The following AIM2 variants were observed in gnomAD, a reference collection of about 807,000 sequenced individuals.
AIM2 encodes absent in melanoma 2.
AIM2 carries 30 observed loss-of-function variants against 27.7 expected under a neutral mutation model. That is an observed-to-expected ratio of 1.08 (90% CI 0.81 to 1.47). AIM2 has a LOEUF of 1.47. Among genes scored for constraint, AIM2 ranks in the 40% most tolerant of loss-of-function variants. The pLI is 0.00. For missense variants in AIM2, 358 were observed against 411.3 expected (o/e 0.87, Z 1.12); for synonymous variants, 141 against 145.3 (o/e 0.97, Z 0.21).
intron 1 of AIM2, among the ~76,000 whole-genome samples, chr1:159,128,325 G>A (rs1301330436): frequency 2.6e-5 from 4 of 151,752 alleles, no homozygotes; most frequent in Non-Finnish European, 5.9e-5. Context: ...GCATGACTCT[G>A]GGGTTACACG....
At chr1:159,065,742 G>C (rs1246080133) in intron 4 of AIM2, among the ~76,000 whole-genome samples, 168 bp downstream of exon 4, 1 of 152,160 alleles carries the variant, frequency 6.6e-6, no homozygotes, top group Non-Finnish European at 1.5e-5. Context: ...CAATTTTTGA[G>C]TTTTTGTATG....
upstream of AIM2, among the ~76,000 whole-genome samples, chr1:159,142,751 C>G (rs540010947): frequency 6.6e-6 from 1 of 152,246 alleles, no homozygotes; most frequent in Non-Finnish European, 1.5e-5. Flanking sequence ...CCATAATCAC[C>G]GTTGTTTATA....
chr1:159,068,736 T>C (rs764973012), intron 2 of AIM2, 35 bp from the exon 3 acceptor site: 1 of 1,606,236 alleles, frequency 6.2e-7, no homozygotes, highest in Non-Finnish European at 8.5e-7. Flanking sequence ...CCAATAAGCA[T>C]ATAAACATAT....
At chr1:159,055,422 A>G in the AIM2 span, among the ~76,000 whole-genome samples, 1 of 152,216 alleles carries the variant, frequency 6.6e-6, no homozygotes, top group Non-Finnish European at 1.5e-5. Context: ...AGAGCAGTAG[A>G]TATCTTTTCA....
intron 1 of AIM2, among the ~76,000 whole-genome samples, chr1:159,106,092 G>A (rs971376867): frequency 6.6e-6 from 1 of 152,164 alleles, no homozygotes; most frequent in Non-Finnish European, 1.5e-5. Context: ...CCAGGTGCAG[G>A]GAGAGGCCAG....
At chr1:159,106,591 C>T (rs1435311076) in intron 1 of AIM2, among the ~76,000 whole-genome samples, 1 of 152,120 alleles carries the variant, frequency 6.6e-6, no homozygotes, top group Non-Finnish European at 1.5e-5. Context: ...GACCTTGCTC[C>T]CAGGGCATAC....
chr1:159,060,932 G>C (rs1655812793), downstream of AIM2, among the ~76,000 whole-genome samples: 1 of 152,142 alleles, frequency 6.6e-6, no homozygotes, highest in South Asian at 2.1e-4. Flanking sequence ...TGTGTCATGT[G>C]GTAAGCATAT....
At chr1:159,097,618 A>T in intron 1 of AIM2, among the ~76,000 whole-genome samples, 1 of 152,214 alleles carries the variant, frequency 6.6e-6, no homozygotes, top group East Asian at 1.9e-4. Flanking sequence ...TTCTCCACTT[A>T]ACTGAGTTAT....
chr1:159,087,822 C>T (rs1656954368), intron 1 of AIM2, among the ~76,000 whole-genome samples: 1 of 152,126 alleles, frequency 6.6e-6, no homozygotes, highest in African/African-American at 2.4e-5. Context: ...ATCCGCCTAT[C>T]TTGGCCCCCC....
chr1:159,106,678 C>G (rs1056043727), intron 1 of AIM2, among the ~76,000 whole-genome samples: 3 of 152,190 alleles, frequency 2.0e-5, no homozygotes, highest in African/African-American at 7.2e-5. Flanking sequence ...GAATACTTTC[C>G]TACAAAATCC....
chr1:159,126,942 C>G (rs555709695), intron 1 of AIM2, among the ~76,000 whole-genome samples: 1 of 152,276 alleles, frequency 6.6e-6, no homozygotes, highest in South Asian at 2.1e-4. Context: ...TATTCAAGAA[C>G]ATGGACAAAC....
intron 1 of AIM2, among the ~76,000 whole-genome samples, chr1:159,084,010 G>A (rs1196258638): frequency 6.6e-6 from 1 of 152,178 alleles, no homozygotes; most frequent in African/African-American, 2.4e-5. Flanking sequence ...GCCAATAAGT[G>A]AGAGATCTTT....
intron 1 of AIM2, among the ~76,000 whole-genome samples, chr1:159,106,353 T>C (rs941728710): frequency 4.6e-5 from 7 of 152,256 alleles, no homozygotes; most frequent in Admixed American, 4.6e-4. Flanking sequence ...GTGGCTGCTC[T>C]AGACAGGCTT....
At chr1:159,107,039 A>C (rs1438125078) in intron 1 of AIM2, among the ~76,000 whole-genome samples, 3 of 152,230 alleles carry the variant, frequency 2.0e-5, no homozygotes, top group Non-Finnish European at 4.4e-5. Context: ...GATCATGAAG[A>C]CCTACCAGTC....
intron 1 of AIM2, among the ~76,000 whole-genome samples, chr1:159,090,307 T>C (rs915660671): frequency 2.0e-5 from 3 of 152,216 alleles, no homozygotes; most frequent in African/African-American, 7.2e-5. Context: ...TATTCACAAA[T>C]ACTGTCACTT....
chr1:159,105,655 A>C (rs1424397171), intron 1 of AIM2, among the ~76,000 whole-genome samples: 2 of 152,154 alleles, frequency 1.3e-5, no homozygotes, highest in Non-Finnish European at 1.5e-5. Context: ...ACCCAGAGTG[A>C]GTAGTTCCTA....
At chr1:159,095,630 G>A (rs1029503458) in intron 1 of AIM2, among the ~76,000 whole-genome samples, 11 of 152,188 alleles carry the variant, frequency 7.2e-5, no homozygotes, top group African/African-American at 1.7e-4. Context: ...TATAGAAAAT[G>A]TATGTAAATT....
intron 2 of AIM2, among the ~76,000 whole-genome samples, chr1:159,072,802 G>T (rs560528351): frequency 1.3e-5 from 2 of 152,170 alleles, no homozygotes; most frequent in South Asian, 4.1e-4. Flanking sequence ...CTGTGTGAAG[G>T]AAAAAAGGTG....
intron 2 of AIM2, among the ~76,000 whole-genome samples, chr1:159,072,689 G>C (rs1372922659): frequency 6.6e-6 from 1 of 152,210 alleles, no homozygotes; most frequent in East Asian, 1.9e-4. Context: ...GAAAATCCCT[G>C]AAGGTGGATT....
Sources: allele counts gnomAD v4.1 joint callset (sites outside exome capture counted in the v4.1 genomes callset), GRCh38; gene constraint gnomAD v4.1.1; transcripts MANE v1.5; gene names NCBI Gene and HGNC (gene_info 2026-07-23, HGNC 2026-07-21).